Variants in RNF13 observed in about 807,000 individuals in gnomAD.
RNF13 encodes the protein E3 ubiquitin-protein ligase RNF13.
Under a neutral mutation model 37.7 loss-of-function variants are expected in RNF13, and 19 were observed. The ratio of observed to expected loss-of-function variants is 0.50; its 90% CI spans 0.35 to 0.74. RNF13 has a LOEUF of 0.74. Among genes scored for constraint, RNF13 ranks in the 30% least tolerant of loss-of-function variants. RNF13 has a pLI of 0.01. For missense variants in RNF13, 375 were observed against 453.0 expected (o/e 0.83, Z 1.56); for synonymous variants, 144 against 157.8 (o/e 0.91, Z 0.65).
intron 1 of RNF13, among the ~76,000 whole-genome samples, chr3:149,834,526 G>T (rs1488676097): frequency 6.6e-6 from 1 of 152,214 alleles, no homozygotes; most frequent in African/African-American, 2.4e-5. Context: ...ATTGATATTT[G>T]ATCCCCAGTA....
At chr3:149,946,868 G>T (rs751164496) in intron 8 of RNF13, among the ~76,000 whole-genome samples, 120 of 152,236 alleles carry the variant, frequency 7.9e-4, no homozygotes, top group South Asian at 1.7e-3. Flanking sequence ...TAAGTGTCAG[G>T]TTAAGTTGTT....
intron 6 of RNF13, among the ~76,000 whole-genome samples, chr3:149,902,572 A>G (rs1188709252): frequency 6.6e-6 from 1 of 152,078 alleles, no homozygotes; most frequent in African/African-American, 2.4e-5. Flanking sequence ...AACATTTACA[A>G]AGGCAAAAAG....
chr3:149,902,687 TG>T (rs1422460973), intron 6 of RNF13, among the ~76,000 whole-genome samples: 1 of 152,032 alleles, frequency 6.6e-6, no homozygotes, highest in African/African-American at 2.4e-5. Context: ...ACATACAGAC[TG>T]AAATTAACTT....
rs559526247 is a variant in RNF13 at position 149,867,398 on chromosome 3, T to G, written c.196-4631T>G. Among the ~76,000 whole-genome samples, 13 of 151,798 alleles carry G rather than the reference T, an allele frequency of 8.6e-5. 1 individual carries two copies. The East Asian group carries it at 1.9e-3, about 23-fold the overall frequency. ...CTCCTGCCTCAGCCTCCCTAGTAGCTGGGACTACAGGCGCCCACCACCACG... is the reference window on the plus strand; with the variant it reads ...CTCCTGCCTCAGCCTCCCTAGTAGCGGGGACTACAGGCGCCCACCACCACG... On this transcript the variant is annotated intron_variant, in intron 3 of 9. Coordinates refer to ENST00000392894, the MANE Select transcript of RNF13 (RefSeq NM_183381.3).
rs1039135029 is a variant in RNF13 at position 149,939,108 on chromosome 3, C to T, written c.700+17881C>T. On this transcript the variant is annotated intron_variant, in intron 8 of 9. Coordinates refer to ENST00000392894, the MANE Select transcript of RNF13 (RefSeq NM_183381.3). ...TTTAATGTCTTCTACAGAACTAGGT[C>T]CTTTTCGTGTTTTAGGAGTTTTTTC... The T allele has an allele frequency of 1.2e-5, 6 of 513,904 alleles. No individual in the cohort carries two copies. In the African/African-American group the frequency reaches 1.2e-4, roughly 10 times the overall value. 31.8% of individuals were successfully genotyped at this position (513,904 alleles called of 1,614,324 possible). A position where few individuals can be genotyped will look rare whatever the true frequency, so the allele number is the denominator to read the frequency against.
chr3:149,930,505 A>G (rs1450625382), intron 8 of RNF13, among the ~76,000 whole-genome samples: 1 of 152,226 alleles, frequency 6.6e-6, no homozygotes, highest in Non-Finnish European at 1.5e-5. Flanking sequence ...TGTTCATGGT[A>G]GTTACTAGTC....
At chr3:149,900,187 T>G (rs965728669) in intron 5 of RNF13, among the ~76,000 whole-genome samples, 1 of 152,230 alleles carries the variant, frequency 6.6e-6, no homozygotes, top group Non-Finnish European at 1.5e-5. Flanking sequence ...GATGTCATAA[T>G]TCAAAGAAGC....
chr3:149,832,864 A>T (rs2108342739), intron 1 of RNF13, among the ~76,000 whole-genome samples: 1 of 152,288 alleles, frequency 6.6e-6, no homozygotes, highest in East Asian at 1.9e-4. Flanking sequence ...GACCTATGGG[A>T]GATTGAAGCA....
chr3:149,822,872 A>T (rs556352748), intron 1 of RNF13, among the ~76,000 whole-genome samples: 3 of 152,298 alleles, frequency 2.0e-5, no homozygotes, highest in South Asian at 4.1e-4. Context: ...AATAATAAAG[A>T]TAAAATTAGA....
At chr3:149,912,719 T>G (rs564573664) in intron 7 of RNF13, among the ~76,000 whole-genome samples, 1 of 152,176 alleles carries the variant, frequency 6.6e-6, no homozygotes, top group South Asian at 2.1e-4. Context: ...ATGAAAAAAA[T>G]AATGTGAGAG....
intron 8 of RNF13, among the ~76,000 whole-genome samples, chr3:149,923,541 C>G (rs917760760): frequency 6.6e-6 from 1 of 151,982 alleles, no homozygotes; most frequent in Non-Finnish European, 1.5e-5. Context: ...CCAAGGCAGA[C>G]AGATCACTAG....
chr3:149,875,257 CTA>C (rs1312650423), intron 4 of RNF13, among the ~76,000 whole-genome samples: 1 of 152,146 alleles, frequency 6.6e-6, no homozygotes, highest in Non-Finnish European at 1.5e-5. Context: ...AGAATTGGCT[CTA>C]TCTTTTAAAA....
chr3:149,896,431 T>C (rs1715272166), intron 5 of RNF13, among the ~76,000 whole-genome samples: 1 of 152,104 alleles, frequency 6.6e-6, no homozygotes, highest in Non-Finnish European at 1.5e-5. Flanking sequence ...AAAAGTCTTC[T>C]TTTAGCCTAT....
intron 6 of RNF13, among the ~76,000 whole-genome samples, chr3:149,906,669 T>TA (rs1160409388): frequency 3.3e-4 from 45 of 137,924 alleles, no homozygotes; most frequent in Admixed American, 5.8e-4. Flanking sequence ...TTTTTTTTTT[T>TA]AATTTAGAAA....
chr3:149,958,262 C>A (rs184739964), intron 8 of RNF13, among the ~76,000 whole-genome samples: 1 of 152,276 alleles, frequency 6.6e-6, no homozygotes, highest in Non-Finnish European at 1.5e-5. Context: ...ACCAAGGTGT[C>A]AGCAGGACTG....
At chr3:149,937,207 A>G (rs1719779988) in intron 8 of RNF13, among the ~76,000 whole-genome samples, 2 of 152,018 alleles carry the variant, frequency 1.3e-5, no homozygotes, top group Admixed American at 6.5e-5. Flanking sequence ...TTTTCTCCCA[A>G]CAGGCACTAG....
intron 4 of RNF13, among the ~76,000 whole-genome samples, chr3:149,888,702 T>C (rs1714314413): frequency 6.6e-6 from 1 of 152,238 alleles, no homozygotes; most frequent in Admixed American, 6.5e-5. Context: ...TGGATTCTTT[T>C]CAAGGTTATT....
intron 8 of RNF13, among the ~76,000 whole-genome samples, chr3:149,924,509 G>C (rs1442120728): frequency 3.3e-5 from 5 of 152,160 alleles, no homozygotes; most frequent in Admixed American, 1.3e-4. Flanking sequence ...AAAATCAGGA[G>C]AGTGTGATTT....
rs533184682 is a variant in RNF13 at position 149,916,088 on chromosome 3, T to G, written c.606+4005T>G. On this transcript the variant is annotated intron_variant, in intron 7 of 9. Transcript: ENST00000392894. ...GCTTTCTCTTACTTTCTAAAATAGT[T>G]TTTTTTTTTTAAAGAAAATTGGGGT... is the stretch of plus-strand genomic sequence containing the variant. Among the ~76,000 whole-genome samples, 123 of 141,732 alleles carry G rather than the reference T, an allele frequency of 8.7e-4. 1 individual carries two copies. Among genetic ancestry groups the G allele is most frequent in the African/African-American group, 3.0e-3 (114 of 38,444 alleles). 93.0% of individuals were successfully genotyped at this position (141,732 alleles called of 152,430 possible). A position where few individuals can be genotyped will look rare whatever the true frequency, so the allele number is the denominator to read the frequency against.
Sources: gnomAD v4.1 joint callset for allele counts (sites outside exome capture counted in the v4.1 genomes callset) on GRCh38, gnomAD v4.1.1 for gene constraint, MANE v1.5 for transcripts, NCBI Gene and HGNC (gene_info 2026-07-23, HGNC 2026-07-21) for gene names.